The following RPH3AL variants were observed in gnomAD, a reference collection of about 807,000 sequenced individuals.
RPH3AL encodes the protein rabphilin 3A like (without C2 domains).
In RPH3AL, 38 loss-of-function variants were observed where a neutral mutation model predicts 43.1. The observed-to-expected ratio is 0.88, with a 90% CI of 0.68 to 1.15. RPH3AL has a LOEUF of 1.15. RPH3AL is among the 50% of genes most tolerant of loss of function. RPH3AL has a pLI of 0.00. For synonymous variants in RPH3AL, 189 were observed against 176.3 expected, an observed-to-expected ratio of 1.07 and a Z score of -0.57; for missense variants, 462 against 423.2, an observed-to-expected ratio of 1.09 and a Z score of -0.81.
Position 215,097 on chromosome 17 carries a change from T to G in RPH3AL, c.876+557A>C, listed in dbSNP as rs2040764448. ...GGTGCATGCGTGTACCCATGAATCCTCTGGCCAGGGAGGGGCCCAACCTGC... is the reference window on the plus strand; with the variant it reads ...GGTGCATGCGTGTACCCATGAATCCGCTGGCCAGGGAGGGGCCCAACCTGC... On this transcript the variant is annotated intron_variant, in intron 9 of 9. Transcript: ENST00000331302. This position sits in a 1 kb window ranked among gnomAD's most constrained non-coding sequence, Gnocchi z 4.1. 6.6e-6 allele frequency among the ~76,000 whole-genome samples: 1 copy of G among 152,198 alleles called. No individual in the cohort carries two copies. The highest frequency in any genetic ancestry group is 1.5e-5 in the Non-Finnish European group (1 of 68,020).
chr17:313,570 G>C (rs1467817428), intron 5 of RPH3AL, among the ~76,000 whole-genome samples: 1 of 152,150 alleles, frequency 6.6e-6, no homozygotes, highest in African/African-American at 2.4e-5. Context: ...CCTGAGCTCA[G>C]AGAGGCCCCC....
At chr17:302,264 G>C (rs2043348109) in intron 5 of RPH3AL, among the ~76,000 whole-genome samples, 1 of 152,136 alleles carries the variant, frequency 6.6e-6, no homozygotes, top group South Asian at 2.1e-4. Flanking sequence ...TCACTGGAAG[G>C]CCAGAGAGGG....
chr17:282,066 C>CA (rs1416914014), intron 5 of RPH3AL, among the ~76,000 whole-genome samples: 1 of 152,168 alleles, frequency 6.6e-6, no homozygotes, highest in Non-Finnish European at 1.5e-5. Flanking sequence ...ACGGAACCCC[C>CA]ACCCCAGAGT....
chr17:236,049 G>T (rs893318347), intron 7 of RPH3AL, among the ~76,000 whole-genome samples: 1 of 140,280 alleles, frequency 7.1e-6, no homozygotes, highest in Admixed American at 6.9e-5. Flanking sequence ...CAAGACGGGG[G>T]TCCCAGGTTC....
chr17:285,875 C>T (rs567200123), intron 5 of RPH3AL, among the ~76,000 whole-genome samples: 47 of 152,302 alleles, frequency 3.1e-4, no homozygotes, highest in South Asian at 8.3e-4. Flanking sequence ...ACCCCCATCC[C>T]GTCTAGCGCT....
chr17:323,511 C>T lies in RPH3AL; in HGVS notation c.78-2096G>A, dbSNP rs1464152842. Reference sequence around the variant, plus strand: ...TTGTTCCATCTGAGCATTTCGGAGGCTCCAGGGGTCAGTGATGGGCCAGGA... The same window carrying T: ...TTGTTCCATCTGAGCATTTCGGAGGTTCCAGGGGTCAGTGATGGGCCAGGA... On this transcript the variant is annotated intron_variant, in intron 3 of 9. Transcript: ENST00000331302. The surrounding 1 kb of genome is among the most constrained non-coding windows in gnomAD (Gnocchi z 4.4). 6.6e-6 allele frequency among the ~76,000 whole-genome samples: 1 copy of T among 152,212 alleles called. No individual in the cohort carries two copies. The highest frequency in any genetic ancestry group is 1.5e-5 in the Non-Finnish European group (1 of 68,030).
intron 5 of RPH3AL, among the ~76,000 whole-genome samples, chr17:312,667 TG>T (rs1185045723): frequency 6.6e-6 from 1 of 152,218 alleles, no homozygotes; most frequent in African/African-American, 2.4e-5. Context: ...ACGCTGCCAA[TG>T]GGCCAGGCAG....
intron 4 of RPH3AL, 39 bp from the exon 5 acceptor site, chr17:319,588 C>T: frequency 1.2e-6 from 2 of 1,604,262 alleles, no homozygotes; most frequent in Non-Finnish European, 1.7e-6. Context: ...ACTGTGCTTC[C>T]TGCCTGGGCA....
rs748550527 is a variant in RPH3AL, at chr17:219,700, C to T, written c.650G>A (p.Ser217Asn). The change falls in exon 8 of 10, where the codon AGC becomes AAC. Residue 217 changes from serine to asparagine, a missense_variant. Transcript: ENST00000331302. ...SSDSDSDSDL[S>N]SSSLEDRLPS... is the part of the protein sequence containing the mutation. ...GAGTCTGTCCTCTAGGCTGGAGGAGCTAAGATCCGAGTCACTGTCACTGTC... is the reference window on the plus strand; with the variant it reads ...GAGTCTGTCCTCTAGGCTGGAGGAGTTAAGATCCGAGTCACTGTCACTGTC... 2 of 1,613,532 alleles carry T rather than the reference C, an allele frequency of 1.2e-6. No individual in the cohort carries two copies. The highest frequency in any genetic ancestry group is 1.7e-5 in the Admixed American group (1 of 59,974).
At chr17:299,317 A>G (rs2043262930) in intron 5 of RPH3AL, among the ~76,000 whole-genome samples, 1 of 152,102 alleles carries the variant, frequency 6.6e-6, no homozygotes, top group Non-Finnish European at 1.5e-5. Context: ...TCTCTGCCTC[A>G]GTTTATCCAT....
Position 292,262 on chromosome 17 carries a change from G to T in RPH3AL, c.352-10408C>A, listed in dbSNP as rs572860606. ...CGCCAGGCTTGGAGAAGCATCACCT[G>T]CCCCAGTGGGCCAGCAGCGGAAAGG... On this transcript the variant is annotated intron_variant, in intron 5 of 9. Coordinates refer to ENST00000331302, the MANE Select transcript of RPH3AL (RefSeq NM_006987.4). 2.6e-5 allele frequency among the ~76,000 whole-genome samples: 4 copies of T among 152,342 alleles called. No individual in the cohort carries two copies. In the South Asian group the frequency reaches 8.3e-4, roughly 32 times the overall value.
chr17:269,090 G>C (rs1018222951), intron 6 of RPH3AL, among the ~76,000 whole-genome samples: 10 of 152,156 alleles, frequency 6.6e-5, no homozygotes, highest in Non-Finnish European at 1.5e-4. Flanking sequence ...GTGTTAGCCA[G>C]GATGGTCTCG....
At chr17:304,772 G>A (rs942265805) in intron 5 of RPH3AL, among the ~76,000 whole-genome samples, 13 of 151,744 alleles carry the variant, frequency 8.6e-5, no homozygotes, top group African/African-American at 2.2e-4. Context: ...GTTCCCTCCC[G>A]CCCTGCCCCA....
At chr17:313,869 T>C (rs1047554901) in intron 5 of RPH3AL, among the ~76,000 whole-genome samples, 28 of 152,134 alleles carry the variant, frequency 1.8e-4, no homozygotes, top group African/African-American at 5.5e-4. Context: ...ACCATCCAGC[T>C]GTGCTCCCCT....
intron 7 of RPH3AL, among the ~76,000 whole-genome samples, chr17:239,436 C>T (rs906500470): frequency 6.6e-6 from 1 of 152,156 alleles, no homozygotes. Context: ...TTATGGTTGG[C>T]GTCCATACAT....
chr17:314,692 A>C (rs923639741), intron 5 of RPH3AL, among the ~76,000 whole-genome samples: 4 of 135,346 alleles, frequency 3.0e-5, no homozygotes, highest in Admixed American at 7.6e-5. Flanking sequence ...CTCCACCTCC[A>C]TTGACCTGTA....
chr17:338,304 A>C (rs7405614), intron 1 of RPH3AL, among the ~76,000 whole-genome samples: 1 of 152,206 alleles, frequency 6.6e-6, no homozygotes, highest in East Asian at 1.9e-4. Flanking sequence ...TCTACAAAAA[A>C]TTTAAAACTT....
chr17:322,860 T>C lies in RPH3AL; in HGVS notation c.78-1445A>G, dbSNP rs2044518401. Among the ~76,000 whole-genome samples, 1 of 152,096 alleles carries C rather than the reference T, an allele frequency of 6.6e-6. No individual in the cohort carries two copies. Among genetic ancestry groups the C allele is most frequent in the African/African-American group, 2.4e-5 (1 of 41,410 alleles). On this transcript the variant is annotated intron_variant, in intron 3 of 9. Coordinates refer to ENST00000331302, the MANE Select transcript of RPH3AL (RefSeq NM_006987.4). The surrounding 1 kb of genome is among the most constrained non-coding windows in gnomAD (Gnocchi z 4.0). Reference sequence around the variant, plus strand: ...TCAGGGGGAGCTGGGGGCTGATGAATGTGAAGATCTAGGGTTTGGAGTCCA... The same window carrying C: ...TCAGGGGGAGCTGGGGGCTGATGAACGTGAAGATCTAGGGTTTGGAGTCCA...
intron 1 of RPH3AL, chr17:338,802 C>T (rs4280315): frequency 0.24 from 36,413 of 152,152 alleles, 4,583 homozygotes; most frequent in East Asian, 0.39. Flanking sequence ...TGAAGGAGCC[C>T]AAGAGAAACC....
Sources: allele counts gnomAD v4.1 joint callset (sites outside exome capture counted in the v4.1 genomes callset), GRCh38; gene constraint gnomAD v4.1.1; non-coding constraint Gnocchi (gnomAD v3.1); transcripts MANE v1.5; gene names NCBI Gene and HGNC (gene_info 2026-07-23, HGNC 2026-07-21).